ST7L: variants seen among roughly 807,000 people sequenced by gnomAD.
ST7L encodes the protein suppressor of tumorigenicity 7 protein-like.
Under a neutral mutation model 72.5 loss-of-function variants are expected in ST7L, and 57 were observed. That is an observed-to-expected ratio of 0.79 (90% CI 0.64 to 0.98). The LOEUF is 0.98. ST7L is among the 50% of genes least tolerant of loss of function. The pLI is 0.00. For synonymous variants in ST7L, 221 were observed against 240.9 expected (o/e 0.92, Z 0.77); for missense variants, 576 against 672.2 (o/e 0.86, Z 1.58).
intron 14 of ST7L, chr1:112,539,166 T>C (rs1655685819): frequency 6.6e-6 from 1 of 152,164 alleles, no homozygotes; most frequent in Non-Finnish European, 1.5e-5. Flanking sequence ...CACCTGGGGA[T>C]CTTGTTAAAA....
At chr1:112,600,044 A>G (rs1667155201) in intron 4 of ST7L, among the ~76,000 whole-genome samples, 1 of 152,002 alleles carries the variant, frequency 6.6e-6, no homozygotes, top group Non-Finnish European at 1.5e-5. Flanking sequence ...TGTCTACCAA[A>G]AATTTTTTTT....
chr1:112,598,933 G>A lies in ST7L; in HGVS notation c.507-847C>T, dbSNP rs371594630. ...AAATTAGCCGCATGTGGTAGCGGCC[G>A]CCTGTGATCCCAGCTACTTGGGAGG... On this transcript the variant is annotated intron_variant, in intron 4 of 14. Coordinates refer to ENST00000358039, the MANE Select transcript of ST7L (RefSeq NM_017744.5). Among the ~76,000 whole-genome samples the A allele has an allele frequency of 2.7e-5, 4 of 149,862 alleles. No homozygotes were observed. In the East Asian group the frequency reaches 7.9e-4, roughly 30 times the overall value.
At position 112,616,875 on chromosome 1, in the gene ST7L, A is replaced by G; in HGVS notation, c.226T>C (p.Leu76=). 6.2e-7 allele frequency: 1 copy of G among 1,606,106 alleles called. No individual in the cohort carries two copies. The highest frequency in any genetic ancestry group is 8.5e-7 in the Non-Finnish European group (1 of 1,177,514). Residue 76 remains leucine, a synonymous_variant, in exon 2 of 15, where the codon TTG becomes CTG. Coordinates refer to ENST00000358039, the MANE Select transcript of ST7L (RefSeq NM_017744.5). ...AGTGCCACATAGAATTTGGGTGTCAATGAATTTAAAAATACAGTCACTGTC... is the reference window on the plus strand; with the variant it reads ...AGTGCCACATAGAATTTGGGTGTCAGTGAATTTAAAAATACAGTCACTGTC... ...LAAVTVFLNS[L]TPKFYVALTG... is the part of the protein sequence containing the mutation.
chr1:112,604,115 C>T (rs1167078385), intron 3 of ST7L, among the ~76,000 whole-genome samples: 2 of 152,072 alleles, frequency 1.3e-5, no homozygotes, highest in East Asian at 3.9e-4. Context: ...TGAGACCAGC[C>T]TAGTCAACAC....
rs72699055 is a variant in ST7L, at chr1:112,527,357, A to G, written c.1630-1246T>C. 6.7e-3 allele frequency: 1,018 copies of G among 152,710 alleles called. 5 individuals carry two copies. Among genetic ancestry groups the G allele is most frequent in the Non-Finnish European group, 0.011 (748 of 68,092 alleles). The allele number at this position is 152,710 out of a possible 1,614,324, so 9.5% of individuals were successfully genotyped here. A position where few individuals can be genotyped will look rare whatever the true frequency, so the allele number is the denominator to read the frequency against. On this transcript the variant is annotated intron_variant, in intron 14 of 14. Coordinates refer to ENST00000358039, the MANE Select transcript of ST7L (RefSeq NM_017744.5). Reference sequence around the variant, plus strand: ...CAAGGCAGACTTTATTTTTTGGTCCATCGATCTTGGCTCTCACTGTTCTCC... The same window carrying G: ...CAAGGCAGACTTTATTTTTTGGTCCGTCGATCTTGGCTCTCACTGTTCTCC...
chr1:112,564,881 A>G (rs1660721771), intron 11 of ST7L, among the ~76,000 whole-genome samples: 1 of 151,342 alleles, frequency 6.6e-6, no homozygotes, highest in Non-Finnish European at 1.5e-5. Context: ...GTAACATTCT[A>G]CGGGCTTCCA....
intron 1 of ST7L, chr1:112,618,654 G>A (rs897169731): frequency 1.1e-5 from 7 of 648,382 alleles, no homozygotes; most frequent in Non-Finnish European, 1.7e-5. Context: ...AGCTTGTCAG[G>A]TGGCTTTTCC....
At chr1:112,594,485 AC>A (rs1234093489) in intron 5 of ST7L, among the ~76,000 whole-genome samples, 2 of 152,056 alleles carry the variant, frequency 1.3e-5, no homozygotes, top group African/African-American at 4.8e-5. Flanking sequence ...TTCTATTAGC[AC>A]CCCTCCCTAC....
At chr1:112,609,347 C>T (rs1668716684) in intron 3 of ST7L, among the ~76,000 whole-genome samples, 1 of 151,646 alleles carries the variant, frequency 6.6e-6, no homozygotes, top group Non-Finnish European at 1.5e-5. Context: ...GCCTGGCCAA[C>T]ATGGTGAAAC....
At chr1:112,555,814 G>C in intron 12 of ST7L, 54 bp downstream of exon 12, 3 of 1,374,988 alleles carry the variant, frequency 2.2e-6, no homozygotes, top group Non-Finnish European at 2.9e-6. Flanking sequence ...GACTGCCTGT[G>C]AATTCAATGA....
intron 2 of ST7L, among the ~76,000 whole-genome samples, chr1:112,613,145 C>T (rs964405756): frequency 6.6e-6 from 1 of 151,936 alleles, no homozygotes; most frequent in Admixed American, 6.6e-5. Flanking sequence ...AGATAAGTAC[C>T]ATCAAGGGCA....
At chr1:112,619,482 TC>T, upstream of ST7L, 1 of 526,694 alleles carries the variant, frequency 1.9e-6, no homozygotes, top group Non-Finnish European at 3.4e-6. Context: ...GATTCGGCTG[TC>T]GTGGAGATAA....
chr1:112,519,257 A>G (rs1652725156), downstream of ST7L, among the ~76,000 whole-genome samples: 1 of 152,266 alleles, frequency 6.6e-6, no homozygotes, highest in African/African-American at 2.4e-5. Context: ...GTGTTCCACT[A>G]TATGAATATG....
intron 1 of ST7L, chr1:112,617,143 T>C: frequency 4.1e-6 from 1 of 243,690 alleles, no homozygotes; most frequent in South Asian, 8.1e-5. Context: ...AGTCATAATT[T>C]AGATAGAACT....
chr1:112,533,513 C>T (rs1654723395), intron 14 of ST7L, among the ~76,000 whole-genome samples: 1 of 152,050 alleles, frequency 6.6e-6, no homozygotes, highest in South Asian at 2.1e-4. Context: ...GACGCGGTTT[C>T]ACCATGTTGG....
At chr1:112,615,464 T>C (rs1183729617) in intron 2 of ST7L, among the ~76,000 whole-genome samples, 1 of 152,138 alleles carries the variant, frequency 6.6e-6, no homozygotes, top group African/African-American at 2.4e-5. Flanking sequence ...TTGAAAAAAC[T>C]GTAAGTTGAA....
At chr1:112,555,830 T>TA (rs771787698) in intron 12 of ST7L, 38 bp downstream of exon 12, 48 of 1,448,502 alleles carry the variant, frequency 3.3e-5, no homozygotes, top group Non-Finnish European at 4.3e-5. Context: ...AATGAATAGT[T>TA]AGAGAGATTA....
intron 6 of ST7L, among the ~76,000 whole-genome samples, chr1:112,590,131 A>G (rs919026092): frequency 2.0e-5 from 3 of 152,220 alleles, no homozygotes; most frequent in Non-Finnish European, 2.9e-5. Context: ...CTCTTCTTTC[A>G]GTAAGCTGAA....
chr1:112,553,087 C>CT (rs1290876686), intron 12 of ST7L, among the ~76,000 whole-genome samples: 1 of 143,372 alleles, frequency 7.0e-6, no homozygotes, highest in Non-Finnish European at 1.5e-5. Context: ...TGAGTATAGA[C>CT]TTAAAAAAAA....
Sources: gnomAD v4.1 joint callset for allele counts (sites outside exome capture counted in the v4.1 genomes callset) on GRCh38, gnomAD v4.1.1 for gene constraint, MANE v1.5 for transcripts, NCBI Gene and HGNC (gene_info 2026-07-23, HGNC 2026-07-21) for gene names.